Variants in SRC observed in about 807,000 individuals in gnomAD.
SRC encodes the protein proto-oncogene tyrosine-protein kinase Src.
In SRC, 13 loss-of-function variants were observed where a neutral mutation model predicts 62.9. The observed-to-expected ratio is 0.21, with a 90% CI of 0.13 to 0.33. The LOEUF (loss-of-function observed/expected upper bound fraction) is 0.33. Ranked by LOEUF, SRC falls within the 10% of genes least tolerant of loss-of-function variation. The probability of loss-of-function intolerance (pLI) is 1.00; values close to 1 mark genes in which losing one functional copy is unlikely to be tolerated. For missense variants in SRC, 457 were observed against 737.3 expected (o/e 0.62, Z 4.40); for synonymous variants, 302 against 317.5 (o/e 0.95, Z 0.52).
At chr20:37,391,070 C>T (rs2147080594) in intron 5 of SRC, among the ~76,000 whole-genome samples, 1 of 152,354 alleles carries the variant, frequency 6.6e-6, no homozygotes, top group South Asian at 2.1e-4. Context: ...TCCTCTCGCT[C>T]TTGGGCCCTG....
intron 2 of SRC, among the ~76,000 whole-genome samples, chr20:37,381,764 G>A (rs2070367984): frequency 6.6e-6 from 1 of 152,192 alleles, no homozygotes; most frequent in South Asian, 2.1e-4. Flanking sequence ...AGCTGGGTGA[G>A]TGCTGATGGG....
At chr20:37,395,121 C>T (rs2070621235) in intron 7 of SRC, among the ~76,000 whole-genome samples, 2 of 152,200 alleles carry the variant, frequency 1.3e-5, no homozygotes, top group African/African-American at 4.8e-5. Context: ...TGCACCCTCC[C>T]GGGCCATCAG....
rs2070683290 is a variant in SRC, at chr20:37,397,983, C to T, written c.859+129C>T. 2 of 1,255,210 alleles carry T rather than the reference C, an allele frequency of 1.6e-6. No homozygotes were observed. Among genetic ancestry groups the T allele is most frequent in the Middle Eastern group, 2.8e-4 (1 of 3,590 alleles). The allele number at this position is 1,255,210 out of a possible 1,614,324, so 77.8% of individuals were successfully genotyped here. A position where few individuals can be genotyped will look rare whatever the true frequency, so the allele number is the denominator to read the frequency against. ...ACGGGGCCCTGTTGTAAATCTGGAG[C>T]TCCCCAGCGGTGGCTGGCACCGAGT... On this transcript the variant is annotated intron_variant, in intron 9 of 13. Transcript: ENST00000373578. This position sits in a 1 kb window ranked among gnomAD's most constrained non-coding sequence, Gnocchi z 4.1.
In SRC at chr20:37,394,223, A is replaced by C. The variant is rs971949259; in HGVS notation, c.499A>C (p.Asn167His). The C allele has an allele frequency of 6.2e-7, 1 of 1,613,970 alleles. No homozygotes were observed. The highest frequency in any genetic ancestry group is 1.3e-5 in the African/African-American group (1 of 74,954). ...ACGGGAGTCAGAGCGGTTACTGCTCAATGCAGAGAACCCGAGAGGGACCTT... is the reference window on the plus strand; with the variant it reads ...ACGGGAGTCAGAGCGGTTACTGCTCCATGCAGAGAACCCGAGAGGGACCTT... ...TRRESERLLL[N>H]AENPRGTFLV... The change falls in exon 7 of 14, where the codon AAT becomes CAT. Residue 167 changes from asparagine to histidine, a missense_variant. This residue lies in a region of SRC where 141 missense variants were observed against 198.4 expected (regional missense o/e 0.71). Coordinates refer to ENST00000373578, the MANE Select transcript of SRC (RefSeq NM_198291.3).
At chr20:37,382,022 C>A (rs2070371741) in intron 2 of SRC, among the ~76,000 whole-genome samples, 1 of 152,158 alleles carries the variant, frequency 6.6e-6, no homozygotes. Flanking sequence ...TTCACACAGG[C>A]AGGGGGCGTC....
At chr20:37,359,228 C>T (rs2069929224) in intron 1 of SRC, among the ~76,000 whole-genome samples, 1 of 152,234 alleles carries the variant, frequency 6.6e-6, no homozygotes, top group African/African-American at 2.4e-5. Flanking sequence ...CTAGGTGGGG[C>T]CCATCCGTCG....
At chr20:37,357,182 C>T (rs1173643943) in intron 1 of SRC, among the ~76,000 whole-genome samples, 1 of 152,184 alleles carries the variant, frequency 6.6e-6, no homozygotes, top group Non-Finnish European at 1.5e-5. Context: ...CCTTGGGGAG[C>T]AGGGGACTGC....
intron 7 of SRC, among the ~76,000 whole-genome samples, chr20:37,395,580 C>A (rs2070631477): frequency 6.6e-6 from 1 of 152,258 alleles, no homozygotes; most frequent in African/African-American, 2.4e-5. Context: ...ACACCCAGCC[C>A]GTGGTCTCCT....
chr20:37,375,898 C>A (rs764550881), intron 2 of SRC, among the ~76,000 whole-genome samples: 25 of 152,224 alleles, frequency 1.6e-4, no homozygotes, highest in Non-Finnish European at 3.5e-4. Context: ...CAAACGGCCA[C>A]CTTCTTAATG....
intron 2 of SRC, among the ~76,000 whole-genome samples, chr20:37,374,571 CTTTTTTT>C (rs71187927): frequency 1.6e-4 from 14 of 88,936 alleles, no homozygotes; most frequent in African/African-American, 2.6e-4. Context: ...TAATAATACT[CTTTTTTT>C]TTTTTTTTTT....
At chr20:37,366,231 G>T (rs1157296033) in intron 2 of SRC, among the ~76,000 whole-genome samples, 1 of 152,150 alleles carries the variant, frequency 6.6e-6, no homozygotes, top group East Asian at 1.9e-4. Flanking sequence ...CTTTCAGAGA[G>T]ATTGTGCTGG....
At position 37,396,499 on chromosome 20, in the gene SRC, T is replaced by G; in HGVS notation, c.703+188T>G. ...CCTTGTCTCCTTCTTCTTCCTCTTC[T>G]TTCCCCCAGCCCCCCTCCTCCCTGT... On this transcript the variant is annotated intron_variant, in intron 8 of 13. Coordinates refer to ENST00000373578, the MANE Select transcript of SRC (RefSeq NM_198291.3). This position sits in a 1 kb window ranked among gnomAD's most constrained non-coding sequence, Gnocchi z 6.1. The G allele has an allele frequency of 1.4e-6, 1 of 714,104 alleles. No homozygotes were observed. The highest frequency in any genetic ancestry group is 2.3e-6 in the Non-Finnish European group (1 of 442,928). The allele number at this position is 714,104 out of a possible 1,614,324, so 44.2% of individuals were successfully genotyped here. A position where few individuals can be genotyped will look rare whatever the true frequency, so the allele number is the denominator to read the frequency against.
At chr20:37,365,628 C>T (rs184266140) in intron 2 of SRC, among the ~76,000 whole-genome samples, 372 of 152,076 alleles carry the variant, frequency 2.4e-3, no homozygotes, top group Middle Eastern at 0.017. Context: ...CTCTGTTGCC[C>T]AGGCTGTAGT....
chr20:37,357,303 T>C (rs1454454641), intron 1 of SRC, among the ~76,000 whole-genome samples: 1 of 152,204 alleles, frequency 6.6e-6, no homozygotes, highest in Non-Finnish European at 1.5e-5. Context: ...TGGCTACAGC[T>C]GCCCTGGCCA....
chr20:37,346,654 C>T (rs893374883), intron 1 of SRC, among the ~76,000 whole-genome samples: 1 of 151,662 alleles, frequency 6.6e-6, no homozygotes, highest in South Asian at 2.1e-4. Flanking sequence ...CGGCCCTGCG[C>T]CCCCCGGCCC....
At chr20:37,392,963 T>C (rs1340764364) in intron 5 of SRC, among the ~76,000 whole-genome samples, 4 of 152,106 alleles carry the variant, frequency 2.6e-5, no homozygotes, top group Non-Finnish European at 5.9e-5. Flanking sequence ...CTCCTCTGTG[T>C]CTCTGGACCC....
intron 2 of SRC, among the ~76,000 whole-genome samples, chr20:37,368,533 TTTTTTTTTTTGTTTTTTTTTTTTTTG>T (rs2070107480): frequency 1.1e-5 from 1 of 88,874 alleles, no homozygotes; most frequent in African/African-American, 7.6e-5. Flanking sequence ...TTTTTTTTTT[TTTTTTTTTTTGTTTTTTTTTTTTTTG>T]TTTTTTTTTT....
chr20:37,373,249 CGCACACACAT>C (rs1422570014), intron 2 of SRC, among the ~76,000 whole-genome samples: 4 of 90,054 alleles, frequency 4.4e-5, no homozygotes, highest in African/African-American at 2.7e-4. Flanking sequence ...TATGTACACA[CGCACACACAT>C]GTACATACGC....
chr20:37,346,306 G>T (rs1600943191), intron 1 of SRC, 51 bp downstream of exon 1: 1 of 148,334 alleles, frequency 6.7e-6, no homozygotes, highest in African/African-American at 2.5e-5. Context: ...CAGCGCGGGG[G>T]AGCCCCCGCC....
Sources: allele counts gnomAD v4.1 joint callset (sites outside exome capture counted in the v4.1 genomes callset), GRCh38; gene constraint gnomAD v4.1.1; regional missense constraint gnomAD v4.1.1; non-coding constraint Gnocchi (gnomAD v3.1); transcripts MANE v1.5; gene names NCBI Gene and HGNC (gene_info 2026-07-23, HGNC 2026-07-21).